Variants in SLC22A25 observed in about 807,000 individuals in gnomAD.
SLC22A25 encodes MGI:2442751, MGI:2385316, MGI:3042283, MGI:3645714, MGI:3605624, MGI:2442750.
SLC22A25 carries 44 observed loss-of-function variants against 45.9 expected under a neutral mutation model. The ratio of observed to expected loss-of-function variants is 0.96; its 90% confidence interval spans 0.75 to 1.23. SLC22A25 has a LOEUF of 1.23. Ranked by LOEUF, SLC22A25 falls within the 50% of genes most tolerant of loss-of-function variation. The pLI is 0.00. For synonymous variants in SLC22A25, 283 were observed against 238.6 expected (o/e 1.19, Z -1.72); for missense variants, 800 against 666.4 (o/e 1.20, Z -2.21).
intron 7 of SLC22A25, among the ~76,000 whole-genome samples, chr11:63,205,329 T>C (rs1015370682): frequency 2.0e-5 from 3 of 151,070 alleles, no homozygotes; most frequent in African/African-American, 7.3e-5. Context: ...AAATGAGAGA[T>C]AGAACCATGA....
chr11:63,197,659 C>T (rs184131263), intron 7 of SLC22A25, among the ~76,000 whole-genome samples: 1 of 152,296 alleles, frequency 6.6e-6, no homozygotes, highest in Admixed American at 6.5e-5. Context: ...AGGACCTAGG[C>T]ATGGGCAAGG....
intron 7 of SLC22A25, among the ~76,000 whole-genome samples, chr11:63,191,404 AT>A (rs2088809567): frequency 6.6e-6 from 1 of 152,128 alleles, no homozygotes; most frequent in Non-Finnish European, 1.5e-5. Context: ...AAAGCACAGT[AT>A]TAGGGTGGGA....
At chr11:63,202,558 C>A (rs966962397) in intron 7 of SLC22A25, among the ~76,000 whole-genome samples, 1 of 152,184 alleles carries the variant, frequency 6.6e-6, no homozygotes, top group African/African-American at 2.4e-5. Flanking sequence ...TGGGCGGAGC[C>A]CACCACGGCT....
chr11:63,213,902 G>C (rs762634310), intron 7 of SLC22A25, among the ~76,000 whole-genome samples: 5 of 152,194 alleles, frequency 3.3e-5, no homozygotes, highest in Non-Finnish European at 7.3e-5. Context: ...TCCAACACTC[G>C]GTAGTCGAGG....
chr11:63,228,588 A>T, intron 4 of SLC22A25, 24 bp from the exon 5 acceptor site: 1 of 1,533,464 alleles, frequency 6.5e-7, no homozygotes, highest in Non-Finnish European at 9.0e-7. Flanking sequence ...AAACCCTCAT[A>T]TCAATGCTTA....
At chr11:63,170,676 G>A (rs977576353) in intron 9 of SLC22A25, among the ~76,000 whole-genome samples, 6 of 151,996 alleles carry the variant, frequency 3.9e-5, no homozygotes, top group South Asian at 4.2e-4. Flanking sequence ...GTAAATAATA[G>A]CCTACCAACT....
intron 7 of SLC22A25, among the ~76,000 whole-genome samples, chr11:63,187,135 C>T (rs1418892046): frequency 6.6e-6 from 1 of 152,078 alleles, no homozygotes; most frequent in African/African-American, 2.4e-5. Context: ...TTACCTTGGG[C>T]AGTATGGCCA....
chr11:63,196,981 A>G (rs2089060408), intron 7 of SLC22A25, among the ~76,000 whole-genome samples: 1 of 152,172 alleles, frequency 6.6e-6, no homozygotes, highest in African/African-American at 2.4e-5. Flanking sequence ...AGAGAGCCAA[A>G]CCATGAGTGA....
intron 8 of SLC22A25, among the ~76,000 whole-genome samples, chr11:63,182,331 TGTC>T (rs1423169354): frequency 6.6e-6 from 1 of 152,044 alleles, no homozygotes; most frequent in African/African-American, 2.4e-5. Flanking sequence ...TTGTTGTTGT[TGTC>T]GTTGTTTTGA....
intron 11 of SLC22A25, among the ~76,000 whole-genome samples, 183 bp from the exon 12 acceptor site, chr11:63,164,256 C>G (rs1437922631): frequency 1.3e-5 from 2 of 152,152 alleles, no homozygotes; most frequent in African/African-American, 2.4e-5. Flanking sequence ...GAATTAGACA[C>G]ATTTTTATCA....
intron 3 of SLC22A25, among the ~76,000 whole-genome samples, 72 bp from the exon 4 acceptor site, chr11:63,230,168 A>C (rs2090040888): frequency 6.6e-6 from 1 of 152,226 alleles, no homozygotes; most frequent in Non-Finnish European, 1.5e-5. Flanking sequence ...AATAAACACA[A>C]TCTGAGTTGA....
intron 1 of SLC22A25, among the ~76,000 whole-genome samples, chr11:63,240,821 A>T (rs2090235719): frequency 6.6e-6 from 1 of 152,210 alleles, no homozygotes; most frequent in Admixed American, 6.5e-5. Flanking sequence ...ATCTCCTGTG[A>T]GAGCAAGGCC....
Position 63,229,528 on chromosome 11 carries a change from G to T in SLC22A25, c.125C>A (p.Ala42Glu), listed in dbSNP as rs753371434. 2.5e-6 allele frequency: 4 copies of T among 1,614,110 alleles called. No homozygotes were observed. In the Admixed American group the frequency reaches 6.7e-5, roughly 27 times the overall value. Residue 42 changes from alanine (A) to glutamate (E), a missense_variant, in exon 4 of 12, where the codon GCA (alanine) becomes GAA (glutamate). Physicochemically the swap from Ala to Glu is moderately radical, Grantham distance 107. Coordinates refer to ENST00000306494, the MANE Select transcript of SLC22A25 (RefSeq NM_199352.6). ...YHQTQLENFA[A>E]FILDHRCWVH... is the part of the protein sequence containing the mutation. ...CCAGCAGCGATGATCAAGTATGAAT[G>T]CTGCGAAGTTCTCCAGCTGAGTTTG... is the stretch of plus-strand genomic sequence containing the variant.
intron 9 of SLC22A25, among the ~76,000 whole-genome samples, chr11:63,174,517 T>C (rs1749346013): frequency 6.6e-6 from 1 of 152,122 alleles, no homozygotes; most frequent in African/African-American, 2.4e-5. Context: ...GTAAAACACG[T>C]ATCCTGTGAA....
At chr11:63,203,483 A>AACACAGCATGAG (rs2089308669) in intron 7 of SLC22A25, among the ~76,000 whole-genome samples, 1 of 152,004 alleles carries the variant, frequency 6.6e-6, no homozygotes. Context: ...GGAGCTGCAA[A>AACACAGCATGAG]ACACAGCATG....
At chr11:63,201,487 C>T (rs548159681) in intron 7 of SLC22A25, among the ~76,000 whole-genome samples, 4 of 152,288 alleles carry the variant, frequency 2.6e-5, no homozygotes, top group African/African-American at 7.2e-5. Context: ...TCCTTACTTA[C>T]ACCATGTACA....
At chr11:63,240,474 T>G (rs1277191174) in intron 1 of SLC22A25, among the ~76,000 whole-genome samples, 1 of 152,204 alleles carries the variant, frequency 6.6e-6, no homozygotes, top group African/African-American at 2.4e-5. Flanking sequence ...ACAAACATTT[T>G]CCTTTCTTCA....
chr11:63,176,523 A>G (rs1295699124), intron 9 of SLC22A25, among the ~76,000 whole-genome samples: 1 of 151,976 alleles, frequency 6.6e-6, no homozygotes, highest in Admixed American at 6.6e-5. Context: ...TTGTTAGTGT[A>G]TAAAAACACA....
At chr11:63,203,064 G>A (rs895366298) in intron 7 of SLC22A25, among the ~76,000 whole-genome samples, 2 of 152,122 alleles carry the variant, frequency 1.3e-5, no homozygotes, top group Admixed American at 6.5e-5. Context: ...GCGGCAGAGG[G>A]GCCTGATTAT....
Sources: allele counts gnomAD v4.1 joint callset (sites outside exome capture counted in the v4.1 genomes callset), GRCh38; gene constraint gnomAD v4.1.1; transcripts MANE v1.5; gene names NCBI Gene and HGNC (gene_info 2026-07-23, HGNC 2026-07-21).